Variants in IGSF21 observed in about 807,000 individuals in gnomAD.
The protein encoded by IGSF21 is immunoglobin superfamily member 21.
IGSF21 carries 28 observed loss-of-function variants against 46.8 expected under a neutral mutation model. The ratio of observed to expected loss-of-function variants is 0.60; its 90% CI spans 0.44 to 0.82. The LOEUF (loss-of-function observed/expected upper bound fraction) is 0.82. Among genes scored for constraint, IGSF21 ranks in the 40% least tolerant of loss-of-function variants. The probability of loss-of-function intolerance (pLI) is 0.00; values close to 1 mark genes in which losing one functional copy is unlikely to be tolerated. For missense variants in IGSF21, 624 were observed against 665.5 expected, an observed-to-expected ratio of 0.94 and a Z score of 0.69; for synonymous variants, 284 against 273.6, an observed-to-expected ratio of 1.04 and a Z score of -0.38.
At chr1:18,145,095 CATGACTCAGAG>C (rs1329987138) in intron 1 of IGSF21, among the ~76,000 whole-genome samples, 4 of 152,180 alleles carry the variant, frequency 2.6e-5, no homozygotes, top group Admixed American at 2.0e-4. Flanking sequence ...AAGAAAATAG[CATGACTCAGAG>C]ATGACTGCTG....
intron 1 of IGSF21, among the ~76,000 whole-genome samples, chr1:18,158,278 G>A (rs1268688399): frequency 2.0e-5 from 3 of 152,190 alleles, no homozygotes; most frequent in African/African-American, 7.2e-5. Flanking sequence ...CTGCCAACAG[G>A]CCACTAAACC....
intron 1 of IGSF21, among the ~76,000 whole-genome samples, chr1:18,126,261 C>T (rs2124412282): frequency 6.6e-6 from 1 of 152,272 alleles, no homozygotes; most frequent in South Asian, 2.1e-4. Flanking sequence ...TCCAGCTTCA[C>T]TTTGAATGAA....
At chr1:18,184,968 C>T (rs1033753330) in intron 1 of IGSF21, among the ~76,000 whole-genome samples, 2 of 152,156 alleles carry the variant, frequency 1.3e-5, no homozygotes, top group Non-Finnish European at 2.9e-5. Context: ...CATAAGAGTA[C>T]CTGTATCATA....
chr1:18,208,397 T>TATATATATATA (rs368652183), intron 1 of IGSF21, among the ~76,000 whole-genome samples: 1,964 of 92,514 alleles, frequency 0.021, 316 homozygotes, highest in South Asian at 0.029. Context: ...ATATATATAT[T>TATATATATATA]TTTTGAGACG....
intron 4 of IGSF21, among the ~76,000 whole-genome samples, chr1:18,349,769 G>A (rs993554740): frequency 2.6e-5 from 4 of 152,056 alleles, no homozygotes; most frequent in Non-Finnish European, 5.9e-5. Flanking sequence ...CACTGGTGAG[G>A]AAACTAGCCA....
intron 2 of IGSF21, among the ~76,000 whole-genome samples, chr1:18,243,928 C>T (rs1272870361): frequency 6.6e-6 from 1 of 152,230 alleles, no homozygotes; most frequent in Non-Finnish European, 1.5e-5. Flanking sequence ...TCACCTCCCC[C>T]ATTCTCCATA....
intron 1 of IGSF21, among the ~76,000 whole-genome samples, chr1:18,227,661 C>T (rs545129417): frequency 1.3e-5 from 2 of 151,688 alleles, no homozygotes; most frequent in South Asian, 4.2e-4. Context: ...CCATTGGAGC[C>T]AGGGAGGCAG....
intron 2 of IGSF21, among the ~76,000 whole-genome samples, chr1:18,254,387 TAACC>T: frequency 6.6e-6 from 1 of 151,860 alleles, no homozygotes; most frequent in Non-Finnish European, 1.5e-5. Context: ...ACCCTAACCC[TAACC>T]TTATCTAGCT....
chr1:18,179,113 T>A (rs2124467235), intron 1 of IGSF21: 1 of 152,390 alleles, frequency 6.6e-6, no homozygotes, highest in South Asian at 2.1e-4. Context: ...AGAAGCCAGC[T>A]GTGGGGTGGG....
chr1:18,193,437 G>A (rs907221157), intron 1 of IGSF21, among the ~76,000 whole-genome samples: 7 of 152,072 alleles, frequency 4.6e-5, no homozygotes, highest in African/African-American at 1.7e-4. Flanking sequence ...TAACTCACAC[G>A]ATCACAAGGT....
At chr1:18,197,393 AC>A (rs1265018188) in intron 1 of IGSF21, among the ~76,000 whole-genome samples, 1 of 152,208 alleles carries the variant, frequency 6.6e-6, no homozygotes, top group Non-Finnish European at 1.5e-5. Context: ...CCATCAGCCC[AC>A]AGTAAGCTGT....
chr1:18,130,443 C>T (rs2124415971), intron 1 of IGSF21, among the ~76,000 whole-genome samples: 1 of 152,336 alleles, frequency 6.6e-6, no homozygotes, highest in South Asian at 2.1e-4. Flanking sequence ...GTTTTCCTTA[C>T]CAGACCTCTG....
intron 1 of IGSF21, among the ~76,000 whole-genome samples, chr1:18,218,289 T>C (rs1379665885): frequency 6.6e-6 from 1 of 152,106 alleles, no homozygotes; most frequent in Non-Finnish European, 1.5e-5. Context: ...ACTCACTCAT[T>C]ATCAAGAGAG....
chr1:18,164,748 ATTATAC>A (rs1369455579), intron 1 of IGSF21, among the ~76,000 whole-genome samples: 1 of 151,236 alleles, frequency 6.6e-6, no homozygotes, highest in African/African-American at 2.4e-5. Context: ...ATATATATTT[ATTATAC>A]TTTAAGTTCT....
rs558988391 is a variant in IGSF21 at position 18,177,968 on chromosome 1, T to C, written c.71-49930T>C. Among the ~76,000 whole-genome samples, 133 of 152,236 alleles carry C rather than the reference T, an allele frequency of 8.7e-4. 1 individual carries two copies. The highest frequency in any genetic ancestry group is 4.0e-4 in the Non-Finnish European group (27 of 68,014). ...AAAGGTGGGCACGATGGGGCGAGTT[T>C]CTTACTTTTTTTCTAGCTCTCATTG... On this transcript the variant is annotated intron_variant, in intron 1 of 9. Coordinates refer to ENST00000251296, the MANE Select transcript of IGSF21 (RefSeq NM_032880.5).
chr1:18,116,928 G>A (rs1189027301), intron 1 of IGSF21, among the ~76,000 whole-genome samples: 1 of 152,226 alleles, frequency 6.6e-6, no homozygotes, highest in Admixed American at 6.5e-5. Context: ...TTGGAGCTAT[G>A]AGGCTCCTGG....
intron 1 of IGSF21, among the ~76,000 whole-genome samples, chr1:18,182,659 A>AATGC (rs1481685858): frequency 6.6e-6 from 1 of 152,180 alleles, no homozygotes; most frequent in Non-Finnish European, 1.5e-5. Context: ...TGAATGAATG[A>AATGC]ATGCATGCAT....
chr1:18,310,607 G>C (rs1323072252), intron 3 of IGSF21, among the ~76,000 whole-genome samples: 1 of 152,320 alleles, frequency 6.6e-6, no homozygotes, highest in East Asian at 1.9e-4. Flanking sequence ...AGGACGTGTG[G>C]GGTGCAGGGA....
rs192543891 is a variant in IGSF21, at chr1:18,244,745, T to C, written c.183+16735T>C. Among the ~76,000 whole-genome samples, 236 of 152,314 alleles carry C rather than the reference T, an allele frequency of 1.5e-3. 1 individual carries two copies. The highest frequency in any genetic ancestry group is 1.4e-3 in the Non-Finnish European group (95 of 68,022). ...TATGCAGACATCTTACTGACACTTA[T>C]CAGTGCTAATAGATTTTTTTTATTT... On this transcript the variant is annotated intron_variant, in intron 2 of 9. Coordinates refer to ENST00000251296, the MANE Select transcript of IGSF21 (RefSeq NM_032880.5).
Sources: allele counts gnomAD v4.1 joint callset (sites outside exome capture counted in the v4.1 genomes callset), GRCh38; gene constraint gnomAD v4.1.1; transcripts MANE v1.5; gene names NCBI Gene and HGNC (gene_info 2026-07-23, HGNC 2026-07-21).